The following VSIG10L variants were observed in gnomAD, a reference collection of about 807,000 sequenced individuals.
VSIG10L encodes V-set and immunoglobulin domain-containing protein 10-like.
VSIG10L carries 63 observed loss-of-function variants against 67.3 expected under a neutral mutation model. The ratio of observed to expected loss-of-function variants is 0.94; its 90% confidence interval spans 0.76 to 1.15. The LOEUF (loss-of-function observed/expected upper bound fraction) is 1.15, where lower values mean the gene tolerates loss of function less well. Ranked by LOEUF, VSIG10L falls within the 50% of genes most tolerant of loss-of-function variation. The pLI is 0.00. For synonymous variants in VSIG10L, 499 were observed against 524.9 expected, an observed-to-expected ratio of 0.95 and a Z score of 0.67; for missense variants, 1,050 against 1,177.5, an observed-to-expected ratio of 0.89 and a Z score of 1.58.
At chr19:51,337,196 C>G (rs1985503012) in intron 7 of VSIG10L, 42 bp downstream of exon 7, 4 of 1,507,714 alleles carry the variant, frequency 2.7e-6, no homozygotes, top group African/African-American at 1.4e-5. Context: ...CACGGAGGAT[C>G]TGGCACAACA....
At chr19:51,333,967 A>C in intron 8 of VSIG10L, 22 bp from the exon 9 acceptor site, 1 of 1,550,832 alleles carries the variant, frequency 6.4e-7, no homozygotes, top group Non-Finnish European at 8.7e-7. Flanking sequence ...GCAGAAGAGA[A>C]GCAGGAACAC....
In VSIG10L at chr19:51,332,518, ATAGGAAGTTCTGG is replaced by A; in HGVS notation, c.*80_*92del. ...AGGCCCTGGCTGCTGCTGGAGTGAA[ATAGGAAGTTCTGG>A]CCCAAAACGCCCTGTGCAGGGCAGA... On this transcript the variant is annotated 3_prime_UTR_variant, in exon 10 of 10. Coordinates refer to ENST00000335624, the MANE Select transcript of VSIG10L (RefSeq NM_001163922.3). The A allele has an allele frequency of 1.4e-6, 2 of 1,442,270 alleles. No individual in the cohort carries two copies. Among genetic ancestry groups the A allele is most frequent in the Non-Finnish European group, 1.9e-6 (2 of 1,047,686 alleles). The allele number at this position is 1,442,270 out of a possible 1,614,324, so 89.3% of individuals were successfully genotyped here.
rs911268265 is a variant in VSIG10L, at chr19:51,332,065, G to A, written c.*546C>T. On this transcript the variant is annotated 3_prime_UTR_variant, in exon 10 of 10. Transcript: ENST00000335624. ...GGCAGAGAAAGAATTGGGAGGGGAGGTCAGGGAGGCCAACAGAGGCCAGAC... is the reference window on the plus strand; with the variant it reads ...GGCAGAGAAAGAATTGGGAGGGGAGATCAGGGAGGCCAACAGAGGCCAGAC... 6.3e-6 allele frequency: 1 copy of A among 159,182 alleles called. No individual in the cohort carries two copies. The highest frequency in any genetic ancestry group is 2.4e-5 in the African/African-American group (1 of 41,524). The allele number at this position is 159,182 out of a possible 1,614,324, so 9.9% of individuals were successfully genotyped here.
chr19:51,340,715 G>A lies in VSIG10L; in HGVS notation c.907C>T (p.Gln303Ter). Residue 303 changes from glutamine to a stop codon, truncating the protein, a stop_gained, in exon 3 of 10, where the codon CAG becomes TAG. Coordinates refer to ENST00000335624, the MANE Select transcript of VSIG10L (RefSeq NM_001163922.3). LOFTEE classifies it high-confidence loss of function. This position sits in a 1 kb window ranked among gnomAD's most constrained non-coding sequence, Gnocchi z 6.3. ...FTVGVYEPLP[Q>*]LSVQPKAPET... ...GGAGCCTTGGGCTGAACCGACAGCT[G>A]GGGTAGGGGCTCTGGGAGAGGGAGA... 3 of 1,502,092 alleles carry A rather than the reference G, an allele frequency of 2.0e-6. No individual in the cohort carries two copies. Among genetic ancestry groups the A allele is most frequent in the Non-Finnish European group, 2.7e-6 (3 of 1,128,280 alleles). The allele number at this position is 1,502,092 out of a possible 1,614,324, so 93.0% of individuals were successfully genotyped here. A position where few individuals can be genotyped will look rare whatever the true frequency, so the allele number is the denominator to read the frequency against.
chr19:51,335,928 A>C (rs183017521), intron 7 of VSIG10L, among the ~76,000 whole-genome samples: 117 of 152,166 alleles, frequency 7.7e-4, no homozygotes, highest in African/African-American at 1.7e-3. Context: ...CCACCTCCCC[A>C]AAAAGTGAAG....
chr19:51,338,587 C>T (rs904086032), intron 5 of VSIG10L, among the ~76,000 whole-genome samples: 6 of 152,166 alleles, frequency 3.9e-5, no homozygotes, highest in African/African-American at 1.2e-4. Context: ...CCCCAGCTAC[C>T]AAAGTGCTGC....
chr19:51,338,384 C>G (rs1985541886), intron 5 of VSIG10L, among the ~76,000 whole-genome samples, 176 bp from the exon 6 acceptor site: 2 of 152,212 alleles, frequency 1.3e-5, no homozygotes, highest in South Asian at 4.1e-4. Flanking sequence ...CATTTATTAT[C>G]TGATTTCCTC....
In VSIG10L at chr19:51,340,533, C is replaced by A. The variant is rs1451831682; in HGVS notation, c.1089G>T (p.Leu363=). Residue 363 remains leucine, a synonymous_variant, in exon 3 of 10, where the codon CTG becomes CTT. Coordinates refer to ENST00000335624, the MANE Select transcript of VSIG10L (RefSeq NM_001163922.3). This position sits in a 1 kb window ranked among gnomAD's most constrained non-coding sequence, Gnocchi z 6.3. Reference sequence around the variant, plus strand: ...CGCTGCGCACAGGGCGCACGATGAGCAGCTGGTCGCCCTCTGAGCGCATCC... The same window carrying A: ...CGCTGCGCACAGGGCGCACGATGAGAAGCTGGTCGCCCTCTGAGCGCATCC... ...TPRMRSEGDQ[L]LIVRPVRSDH... is the part of the protein sequence containing the mutation. 3 of 1,534,874 alleles carry A rather than the reference C, an allele frequency of 2.0e-6. No homozygotes were observed. The Admixed American group carries it at 5.9e-5, about 30-fold the overall frequency.
chr19:51,336,763 ATTTT>A (rs942291893), intron 7 of VSIG10L, among the ~76,000 whole-genome samples: 2 of 97,064 alleles, frequency 2.1e-5, no homozygotes, highest in Non-Finnish European at 3.9e-5. Flanking sequence ...CGACACCTTG[ATTTT>A]TTTTTTTTTT....
chr19:51,339,839 C>T, intron 4 of VSIG10L, 176 bp downstream of exon 4: 1 of 824,492 alleles, frequency 1.2e-6, no homozygotes, highest in Non-Finnish European at 1.6e-6. Flanking sequence ...CCGCGCTGGC[C>T]CGCCCCACCA....
chr19:51,340,138 G>T lies in VSIG10L; in HGVS notation c.1351C>A (p.Pro451Thr). 7.6e-7 allele frequency: 1 copy of T among 1,315,080 alleles called. No homozygotes were observed. The highest frequency in any genetic ancestry group is 9.6e-7 in the Non-Finnish European group (1 of 1,038,410). The allele number at this position is 1,315,080 out of a possible 1,614,324, so 81.5% of individuals were successfully genotyped here. The change falls in exon 4 of 10, where the codon CCC (proline) becomes ACC (threonine). Residue 451 changes from proline to threonine, a missense_variant. Pro to Thr is a conservative substitution (Grantham distance 38, BLOSUM62 -1). Around this residue, in one of 3 missense-constraint regions of VSIG10L, gnomAD observed 529 missense variants for 584.9 expected, o/e 0.90. Coordinates refer to ENST00000335624, the MANE Select transcript of VSIG10L (RefSeq NM_001163922.3). This position sits in a 1 kb window ranked among gnomAD's most constrained non-coding sequence, Gnocchi z 6.3. ...GGCAGCAGGAGGCGCGACCCCGCGG[G>T]CACCGCGGCCTCGGCCGGGTCCGCC... is the stretch of plus-strand genomic sequence containing the variant. ...SLADPAEAAV[P>T]AGSRLLLPAV... is the part of the protein sequence containing the mutation.
intron 7 of VSIG10L, among the ~76,000 whole-genome samples, chr19:51,335,940 T>A (rs1486042064): frequency 6.6e-6 from 1 of 151,970 alleles, no homozygotes; most frequent in Non-Finnish European, 1.5e-5. Context: ...AAAGTGAAGA[T>A]CTTAAGTTGG....
chr19:51,338,981 C>T lies in VSIG10L; in HGVS notation c.1636G>A (p.Ala546Thr). ...AGCCGGGGGTGGGCGGGGACGGCCG[C>T]CAGCAGCACAGAGGACACTGGCCCG... is the stretch of plus-strand genomic sequence containing the variant. ...RAGPVSSVLL[A>T]AVPAHPRLSG... The change falls in exon 5 of 10, where the codon GCG becomes ACG. Residue 546 changes from alanine to threonine, a missense_variant. By Grantham distance (58) the Ala-to-Thr change is moderately conservative. This residue lies in a region of VSIG10L where 529 missense variants were observed against 584.9 expected (regional missense o/e 0.90). Transcript: ENST00000335624. 7.0e-7 allele frequency: 1 copy of T among 1,431,476 alleles called. No homozygotes were observed. The highest frequency in any genetic ancestry group is 9.2e-7 in the Non-Finnish European group (1 of 1,089,090). 88.7% of individuals were successfully genotyped at this position (1,431,476 alleles called of 1,614,324 possible).
At chr19:51,338,275 T>C (rs775895204) in intron 5 of VSIG10L, 67 bp from the exon 6 acceptor site, 31 of 1,427,858 alleles carry the variant, frequency 2.2e-5, no homozygotes, top group Non-Finnish European at 2.8e-5. Context: ...ACAGATCCTA[T>C]GCCCTACTTT....
At position 51,331,713 on chromosome 19, in the gene VSIG10L, T is replaced by C. The variant is rs1298044673; in HGVS notation, c.*898A>G. The C allele has an allele frequency of 6.6e-6, 1 of 152,238 alleles. No individual in the cohort carries two copies. Among genetic ancestry groups the C allele is most frequent in the Admixed American group, 6.5e-5 (1 of 15,278 alleles). 9.4% of individuals were successfully genotyped at this position (152,238 alleles called of 1,614,324 possible). On this transcript the variant is annotated 3_prime_UTR_variant, in exon 10 of 10. Transcript: ENST00000335624. ...CATTTGATCAGTCAACAAATATTTA[T>C]TGATTGCCTGCTGTGTGTGAGGCTC...
chr19:51,337,903 AG>A (rs1985525549), intron 6 of VSIG10L, 26 bp downstream of exon 6: 1 of 1,524,384 alleles, frequency 6.6e-7, no homozygotes, highest in African/African-American at 1.4e-5. Flanking sequence ...CGTGGACTTC[AG>A]GGTTTTTTGA....
rs995571740 is a variant in VSIG10L at position 51,338,994 on chromosome 19, G to A, written c.1623C>T (p.Ser541=). Residue 541 remains serine (S), a synonymous_variant, in exon 5 of 10, where the codon TCC becomes TCT. Coordinates refer to ENST00000335624, the MANE Select transcript of VSIG10L (RefSeq NM_001163922.3). Reference sequence around the variant, plus strand: ...CGGGGACGGCCGCCAGCAGCACAGAGGACACTGGCCCGGCGCGGATGCCTT... The same window carrying A: ...CGGGGACGGCCGCCAGCAGCACAGAAGACACTGGCCCGGCGCGGATGCCTT... The part of the protein sequence containing the change: ...LPEGIRAGPV[S]SVLLAAVPAH... 2.8e-6 allele frequency: 4 copies of A among 1,414,460 alleles called. No individual in the cohort carries two copies. The highest frequency in any genetic ancestry group is 3.7e-6 in the Non-Finnish European group (4 of 1,078,530). 87.6% of individuals were successfully genotyped at this position (1,414,460 alleles called of 1,614,324 possible). A position where few individuals can be genotyped will look rare whatever the true frequency, so the allele number is the denominator to read the frequency against.
rs541389786 is a variant in VSIG10L at position 51,340,526 on chromosome 19, C to A, written c.1096G>T (p.Val366Leu). The change falls in exon 3 of 10, where the codon GTG (valine) becomes TTG (leucine). Residue 366 changes from valine (V) to leucine (L), a missense_variant. This residue lies in a region of VSIG10L where 511 missense variants were observed against 557.9 expected (regional missense o/e 0.92). Transcript: ENST00000335624. The surrounding 1 kb of genome is among the most constrained non-coding windows in gnomAD (Gnocchi z 6.3). ...GCGTGGTCGCTGCGCACAGGGCGCACGATGAGCAGCTGGTCGCCCTCTGAG... is the reference window on the plus strand; with the variant it reads ...GCGTGGTCGCTGCGCACAGGGCGCAAGATGAGCAGCTGGTCGCCCTCTGAG... ...MRSEGDQLLIVRPVRSDHARY... is the reference protein window; with the variant it reads ...MRSEGDQLLILRPVRSDHARY... 1.3e-6 allele frequency: 2 copies of A among 1,534,536 alleles called. No homozygotes were observed. The highest frequency in any genetic ancestry group is 4.9e-5 in the East Asian group (2 of 40,806).
At position 51,340,340 on chromosome 19, in the gene VSIG10L, C is replaced by A. The variant is rs1472393751; in HGVS notation, c.1190-41G>T. On this transcript the variant is annotated intron_variant, in intron 3 of 9. Transcript: ENST00000335624. The surrounding 1 kb of genome is among the most constrained non-coding windows in gnomAD (Gnocchi z 6.3). ...GTCGGGACCGCGAGTGTCAGGGTCA[C>A]CTGGGACGCCGCTAGGACTCCCGGA... 6.8e-7 allele frequency: 1 copy of A among 1,476,064 alleles called. No homozygotes were observed. The highest frequency in any genetic ancestry group is 2.3e-5 in the Admixed American group (1 of 43,952). 91.4% of individuals were successfully genotyped at this position (1,476,064 alleles called of 1,614,324 possible).
Sources: allele counts gnomAD v4.1 joint callset (sites outside exome capture counted in the v4.1 genomes callset), GRCh38; gene constraint gnomAD v4.1.1; regional missense constraint gnomAD v4.1.1; non-coding constraint Gnocchi (gnomAD v3.1); transcripts MANE v1.5; gene names NCBI Gene and HGNC (gene_info 2026-07-23, HGNC 2026-07-21).